DOK6: variants seen among roughly 807,000 people sequenced by gnomAD.
DOK6 encodes the protein docking protein 6.
DOK6 carries 22 observed loss-of-function variants against 44.0 expected under a neutral mutation model. The observed-to-expected ratio is 0.50, with a 90% CI of 0.36 to 0.71. DOK6 has a LOEUF of 0.71. Among genes scored for constraint, DOK6 ranks in the 30% least tolerant of loss-of-function variants. DOK6 has a pLI of 0.00. For synonymous variants in DOK6, 166 were observed against 145.5 expected (o/e 1.14, Z -1.01); for missense variants, 340 against 416.4 (o/e 0.82, Z 1.60).
Position 69,698,372 on chromosome 18 carries a change from C to T in DOK6, c.410-32C>T, listed in dbSNP as rs187541884. On this transcript the variant is annotated intron_variant, in intron 4 of 7. Transcript: ENST00000382713. ...CCATAGACACTCACACCTCTTTTCA[C>T]TTAACCTTCTCCATTCTTCGTCTCT... 10 of 1,574,110 alleles carry T rather than the reference C, an allele frequency of 6.4e-6. No homozygotes were observed. In the South Asian group the frequency reaches 7.1e-5, roughly 11 times the overall value.
intron 1 of DOK6, among the ~76,000 whole-genome samples, chr18:69,419,543 G>T (rs943289505): frequency 2.0e-5 from 3 of 152,072 alleles, no homozygotes; most frequent in East Asian, 1.9e-4. Flanking sequence ...CCCAGGATTC[G>T]GAATTAAAGG....
chr18:69,748,021 C>T (rs560239850), intron 6 of DOK6, among the ~76,000 whole-genome samples: 3 of 152,018 alleles, frequency 2.0e-5, no homozygotes, highest in Admixed American at 6.6e-5. Context: ...CAAAGACACA[C>T]ATAGACTCAA....
At chr18:69,739,132 GCT>G (rs1978716616) in intron 6 of DOK6, 29 bp downstream of exon 6, 1 of 1,611,628 alleles carries the variant, frequency 6.2e-7, no homozygotes, top group Admixed American at 1.7e-5. Context: ...TAACCTATCA[GCT>G]TGGAAATGAA....
intron 7 of DOK6, among the ~76,000 whole-genome samples, chr18:69,791,608 T>A (rs117156197): frequency 0.049 from 7,502 of 152,274 alleles, 253 homozygotes; most frequent in South Asian, 0.16. Flanking sequence ...ATTACTAGAT[T>A]TTTTTCTATA....
intron 1 of DOK6, among the ~76,000 whole-genome samples, chr18:69,561,250 G>A (rs976678686): frequency 6.6e-6 from 1 of 152,100 alleles, no homozygotes; most frequent in African/African-American, 2.4e-5. Flanking sequence ...AAGTGGCATA[G>A]CCATAATGTA....
intron 6 of DOK6, among the ~76,000 whole-genome samples, chr18:69,747,655 A>G (rs1038042709): frequency 6.6e-6 from 1 of 151,824 alleles, no homozygotes; most frequent in South Asian, 2.1e-4. Flanking sequence ...CTCAGAGTCT[A>G]GAGAACTGTT....
intron 1 of DOK6, among the ~76,000 whole-genome samples, chr18:69,413,087 T>G (rs1978313124): frequency 6.6e-6 from 1 of 152,148 alleles, no homozygotes; most frequent in East Asian, 1.9e-4. Context: ...GTCTTGAACC[T>G]GGTTCTCCAG....
intron 3 of DOK6, among the ~76,000 whole-genome samples, chr18:69,658,777 C>A (rs904598047): frequency 2.0e-5 from 3 of 152,114 alleles, no homozygotes; most frequent in Admixed American, 2.0e-4. Flanking sequence ...ATATATAACT[C>A]TCTTTTTTCA....
At chr18:69,528,784 C>T (rs17204309) in intron 1 of DOK6, among the ~76,000 whole-genome samples, 3 of 152,114 alleles carry the variant, frequency 2.0e-5, no homozygotes, top group Non-Finnish European at 2.9e-5. Flanking sequence ...TATCTTGGTT[C>T]GAAACTATTT....
At position 69,413,543 on chromosome 18, in the gene DOK6, G is replaced by A. The variant is rs147276362; in HGVS notation, c.66+12233G>A. 1.2e-3 allele frequency among the ~76,000 whole-genome samples: 178 copies of A among 152,164 alleles called. 1 individual carries two copies. Among genetic ancestry groups the A allele is most frequent in the African/African-American group, 4.1e-3 (171 of 41,538 alleles). On this transcript the variant is annotated intron_variant, in intron 1 of 7. Coordinates refer to ENST00000382713, the MANE Select transcript of DOK6 (RefSeq NM_152721.6). ...AATGCCTTTTCAGCAAATGTTACTGGAGTAATTGAACATCCACGAGCAAAC... is the reference window on the plus strand; with the variant it reads ...AATGCCTTTTCAGCAAATGTTACTGAAGTAATTGAACATCCACGAGCAAAC...
chr18:69,656,710 G>T (rs1418549820), intron 3 of DOK6, among the ~76,000 whole-genome samples: 2 of 152,168 alleles, frequency 1.3e-5, no homozygotes, highest in African/African-American at 4.8e-5. Context: ...TGGTAAAAAA[G>T]AGGAAATTTG....
At position 69,425,159 on chromosome 18, in the gene DOK6, A is replaced by T. The variant is rs144356389; in HGVS notation, c.66+23849A>T. 8.2e-4 allele frequency among the ~76,000 whole-genome samples: 125 copies of T among 152,172 alleles called. 1 individual carries two copies. The highest frequency in any genetic ancestry group is 2.9e-3 in the African/African-American group (122 of 41,530). ...GCGTGAGCAGCAAAAATAGAGAAGA[A>T]TTTTGCTGTTGTAGTCAGAGTAGAG... On this transcript the variant is annotated intron_variant, in intron 1 of 7. Coordinates refer to ENST00000382713, the MANE Select transcript of DOK6 (RefSeq NM_152721.6).
intron 3 of DOK6, among the ~76,000 whole-genome samples, chr18:69,609,045 A>C (rs1220067489): frequency 4.6e-5 from 7 of 152,070 alleles, no homozygotes; most frequent in African/African-American, 1.7e-4. Flanking sequence ...GCTGTTGTAA[A>C]ACTCCAAGAA....
chr18:69,653,801 C>T (rs1985292390), intron 3 of DOK6, among the ~76,000 whole-genome samples: 1 of 152,136 alleles, frequency 6.6e-6, no homozygotes, highest in Non-Finnish European at 1.5e-5. Context: ...CATTGAGATC[C>T]TCAAATTATC....
chr18:69,517,443 CTT>C (rs1426617145), intron 1 of DOK6, among the ~76,000 whole-genome samples: 1 of 152,130 alleles, frequency 6.6e-6, no homozygotes, highest in Non-Finnish European at 1.5e-5. Flanking sequence ...GGTCATTAAA[CTT>C]GAGACATTCT....
At chr18:69,420,324 A>C (rs1417519884) in intron 1 of DOK6, among the ~76,000 whole-genome samples, 2 of 152,152 alleles carry the variant, frequency 1.3e-5, no homozygotes, top group Admixed American at 1.3e-4. Context: ...TTCAAATAGT[A>C]TATACAATAA....
At chr18:69,611,681 A>G (rs1194454531) in intron 3 of DOK6, among the ~76,000 whole-genome samples, 1 of 152,210 alleles carries the variant, frequency 6.6e-6, no homozygotes, top group African/African-American at 2.4e-5. Context: ...AGCCTGGATG[A>G]ATCTTGAAGG....
chr18:69,479,536 C>T (rs17080982), intron 1 of DOK6, among the ~76,000 whole-genome samples: 2 of 151,888 alleles, frequency 1.3e-5, no homozygotes, highest in Non-Finnish European at 2.9e-5. Context: ...GATGTGCTTT[C>T]GGTAATATGG....
chr18:69,693,032 G>A (rs1986302074), intron 4 of DOK6, among the ~76,000 whole-genome samples: 1 of 152,038 alleles, frequency 6.6e-6, no homozygotes, highest in Non-Finnish European at 1.5e-5. Flanking sequence ...CTTTCCTTTT[G>A]TACAGTTTCT....
Sources: gnomAD v4.1 joint callset for allele counts (sites outside exome capture counted in the v4.1 genomes callset) on GRCh38, gnomAD v4.1.1 for gene constraint, MANE v1.5 for transcripts, NCBI Gene and HGNC (gene_info 2026-07-23, HGNC 2026-07-21) for gene names.